Variants in KCNN2 observed in about 807,000 individuals in gnomAD.
KCNN2 encodes the protein potassium calcium-activated channel subfamily N member 2, also known as small conductance calcium-activated potassium channel protein 2.
KCNN2 carries 24 observed loss-of-function variants against 55.5 expected under a neutral mutation model. The ratio of observed to expected loss-of-function variants is 0.43; its 90% CI spans 0.31 to 0.61. The LOEUF is 0.61. Among genes scored for constraint, KCNN2 ranks in the 20% least tolerant of loss-of-function variants. KCNN2 has a pLI of 0.08. For synonymous variants in KCNN2, 431 were observed against 336.1 expected (o/e 1.28, Z -3.09); for missense variants, 754 against 853.6 (o/e 0.88, Z 1.45).
chr5:114,069,279 G>A (rs967836941), intron 1 of KCNN2, among the ~76,000 whole-genome samples: 1 of 152,078 alleles, frequency 6.6e-6, no homozygotes. Flanking sequence ...TTCCCTGCCT[G>A]ACTTAGTCTT....
rs980419738 is a variant in KCNN2, at chr5:114,369,658, A to G, written c.1218+5657A>G. 4.6e-5 allele frequency among the ~76,000 whole-genome samples: 7 copies of G among 152,166 alleles called. No individual in the cohort carries two copies. The South Asian group carries it at 1.0e-3, about 22-fold the overall frequency. ...CTATATCAGAAGTAATGAGATGCTC[A>G]GTCCCTTTGACTTTGTGTATACACT... is the stretch of plus-strand genomic sequence containing the variant. On this transcript the variant is annotated intron_variant, in intron 2 of 7. Transcript: ENST00000673685.
At chr5:114,249,380 C>T (rs772009826) in intron 2 of KCNN2, among the ~76,000 whole-genome samples, 6 of 151,292 alleles carry the variant, frequency 4.0e-5, no homozygotes, top group Admixed American at 6.6e-5. Context: ...CTCCACCTCT[C>T]GGGTTCAAGC....
At chr5:114,174,922 A>G (rs1386612736) in intron 1 of KCNN2, among the ~76,000 whole-genome samples, 3 of 152,152 alleles carry the variant, frequency 2.0e-5, no homozygotes, top group African/African-American at 7.2e-5. Context: ...GCTGCCCCCA[A>G]TGGGCTGTGT....
intron 3 of KCNN2, among the ~76,000 whole-genome samples, chr5:114,431,481 A>G (rs1236002436): frequency 6.6e-6 from 1 of 151,428 alleles, no homozygotes; most frequent in Non-Finnish European, 1.5e-5. Flanking sequence ...TTTTTCCTTC[A>G]TTTGCTTGTC....
At chr5:114,132,797 G>A (rs182936109) in intron 1 of KCNN2, among the ~76,000 whole-genome samples, 1 of 152,312 alleles carries the variant, frequency 6.6e-6, no homozygotes, top group East Asian at 1.9e-4. Context: ...GTATTAGGCA[G>A]GAGAAATGGC....
chr5:114,318,900 C>G (rs554843), intron 2 of KCNN2, among the ~76,000 whole-genome samples: 1 of 151,778 alleles, frequency 6.6e-6, no homozygotes, highest in Non-Finnish European at 1.5e-5. Context: ...TGAACTATTT[C>G]AGTATTACAG....
At chr5:114,428,397 A>C (rs1297314999) in intron 3 of KCNN2, among the ~76,000 whole-genome samples, 2 of 152,162 alleles carry the variant, frequency 1.3e-5, no homozygotes, top group Non-Finnish European at 2.9e-5. Flanking sequence ...TGCTAATGGA[A>C]TAGTTGATAT....
At chr5:114,343,386 A>C (rs1757052155) in intron 2 of KCNN2, among the ~76,000 whole-genome samples, 1 of 152,184 alleles carries the variant, frequency 6.6e-6, no homozygotes, top group Non-Finnish European at 1.5e-5. Flanking sequence ...TAAATATTAA[A>C]GCATAAATGA....
chr5:114,081,534 A>C (rs1217894618), intron 1 of KCNN2, among the ~76,000 whole-genome samples: 1 of 152,214 alleles, frequency 6.6e-6, no homozygotes, highest in Non-Finnish European at 1.5e-5. Flanking sequence ...CAATGGAGAA[A>C]GTGCTTTCAG....
At chr5:114,419,014 AT>A (rs1478802500) in intron 3 of KCNN2, among the ~76,000 whole-genome samples, 2 of 152,178 alleles carry the variant, frequency 1.3e-5, no homozygotes, top group African/African-American at 4.8e-5. Flanking sequence ...GAACGTAATA[AT>A]TTTTTTCGTA....
At chr5:114,105,304 A>T (rs1413930919) in intron 1 of KCNN2, among the ~76,000 whole-genome samples, 1 of 152,058 alleles carries the variant, frequency 6.6e-6, no homozygotes, top group Admixed American at 6.6e-5. Flanking sequence ...TCAGGAAGAT[A>T]TTTGATCCTG....
At chr5:114,299,724 G>A (rs181187261) in intron 2 of KCNN2, among the ~76,000 whole-genome samples, 146 of 152,264 alleles carry the variant, frequency 9.6e-4, no homozygotes, top group South Asian at 3.7e-3. Flanking sequence ...TGTGGTCCTT[G>A]TAATCTGTTG....
At chr5:114,221,854 C>T (rs1754145116) in intron 2 of KCNN2, among the ~76,000 whole-genome samples, 1 of 152,130 alleles carries the variant, frequency 6.6e-6, no homozygotes, top group African/African-American at 2.4e-5. Flanking sequence ...TGAGAGATAG[C>T]ATTTTGGTGA....
chr5:114,103,901 C>G (rs1251777806), intron 1 of KCNN2, among the ~76,000 whole-genome samples: 2 of 151,956 alleles, frequency 1.3e-5, no homozygotes, highest in African/African-American at 4.8e-5. Context: ...TTTGTTGTGT[C>G]TTTGCCGGGT....
At chr5:114,200,437 A>T (rs990265618) in intron 1 of KCNN2, among the ~76,000 whole-genome samples, 1 of 150,162 alleles carries the variant, frequency 6.7e-6, no homozygotes, top group African/African-American at 2.5e-5. Context: ...TAATTTCTTT[A>T]TATCGTTTTT....
At chr5:114,437,037 GTGTT>G (rs1169123198) in intron 3 of KCNN2, among the ~76,000 whole-genome samples, 4 of 151,912 alleles carry the variant, frequency 2.6e-5, no homozygotes, top group African/African-American at 9.7e-5. Context: ...AAATGTGTGT[GTGTT>G]TGTGTGTGTG....
chr5:114,144,767 A>G (rs1030365704), intron 1 of KCNN2, among the ~76,000 whole-genome samples: 5 of 143,750 alleles, frequency 3.5e-5, no homozygotes, highest in African/African-American at 1.3e-4. Flanking sequence ...GTTGGATTCC[A>G]TATAGACAGT....
intron 3 of KCNN2, among the ~76,000 whole-genome samples, chr5:114,424,045 A>G (rs186985616): frequency 1.4e-4 from 21 of 152,344 alleles, no homozygotes; most frequent in Admixed American, 9.2e-4. Context: ...CGGAGTCTGG[A>G]TTTTAGTCCA....
At chr5:114,450,814 C>G (rs996781966) in intron 3 of KCNN2, among the ~76,000 whole-genome samples, 3 of 152,174 alleles carry the variant, frequency 2.0e-5, no homozygotes, top group African/African-American at 2.4e-5. Flanking sequence ...ACGCATTTAA[C>G]AAAACACTGT....
Sources: allele counts gnomAD v4.1 joint callset (sites outside exome capture counted in the v4.1 genomes callset), GRCh38; gene constraint gnomAD v4.1.1; transcripts MANE v1.5; gene names NCBI Gene and HGNC (gene_info 2026-07-23, HGNC 2026-07-21).